CASQ2: variants seen among roughly 807,000 people sequenced by gnomAD.
CASQ2 encodes the protein calsequestrin 2.
In CASQ2, 49 loss-of-function variants were observed where a neutral mutation model predicts 46.5. That is an observed-to-expected ratio of 1.05 (90% confidence interval 0.84 to 1.34). The LOEUF (loss-of-function observed/expected upper bound fraction) is 1.34, where lower values mean the gene tolerates loss of function less well. Among genes scored for constraint, CASQ2 ranks in the 40% most tolerant of loss-of-function variants. The probability of loss-of-function intolerance (pLI) is 0.00; values close to 1 mark genes in which losing one functional copy is unlikely to be tolerated. For synonymous variants in CASQ2, 174 were observed against 168.5 expected, an observed-to-expected ratio of 1.03 and a Z score of -0.25; for missense variants, 486 against 481.3, an observed-to-expected ratio of 1.01 and a Z score of -0.09.
chr1:115,753,262 A>G, intron 1 of CASQ2, among the ~76,000 whole-genome samples: 1 of 152,178 alleles, frequency 6.6e-6, no homozygotes, highest in Non-Finnish European at 1.5e-5. Flanking sequence ...AGAAAGCCAC[A>G]GGGTCAAGGG....
Position 115,768,553 on chromosome 1 carries a change from T to G in CASQ2, c.-12A>C, listed in dbSNP as rs1649208283. The G allele has an allele frequency of 6.4e-7, 1 of 1,573,028 alleles. No homozygotes were observed. The highest frequency in any genetic ancestry group is 8.7e-7 in the Non-Finnish European group (1 of 1,143,084). ...TGAGTTCTCTTCATTTGGGAAAACTTTTGTTTCTCGTTCCCAAATATGCTG... is the reference window on the plus strand; with the variant it reads ...TGAGTTCTCTTCATTTGGGAAAACTGTTGTTTCTCGTTCCCAAATATGCTG... On this transcript the variant is annotated 5_prime_UTR_variant, in exon 1 of 11. Transcript: ENST00000261448.
intron 1 of CASQ2, among the ~76,000 whole-genome samples, chr1:115,761,140 T>G (rs972092187): frequency 2.0e-5 from 3 of 151,600 alleles, no homozygotes; most frequent in African/African-American, 7.3e-5. Flanking sequence ...TGCTCGGCTC[T>G]CAGTTTTCCC....
At chr1:115,724,844 G>C (rs12728943) in intron 7 of CASQ2, among the ~76,000 whole-genome samples, 14 of 152,202 alleles carry the variant, frequency 9.2e-5, no homozygotes, top group South Asian at 2.1e-4. Flanking sequence ...AAAGCTACTA[G>C]GTGGCAGATT....
intron 3 of CASQ2, among the ~76,000 whole-genome samples, chr1:115,739,316 C>A (rs961932737): frequency 1.3e-5 from 2 of 151,404 alleles, no homozygotes; most frequent in South Asian, 2.1e-4. Context: ...GGGGTTTCAC[C>A]GTATTAGCCA....
At chr1:115,739,097 G>T (rs1648074625) in intron 3 of CASQ2, among the ~76,000 whole-genome samples, 1 of 113,288 alleles carries the variant, frequency 8.8e-6, no homozygotes, top group Admixed American at 8.9e-5. Context: ...ATTCCCTTGT[G>T]TATGTATAGC....
chr1:115,711,397 C>T (rs2101062269), intron 8 of CASQ2, among the ~76,000 whole-genome samples: 2 of 152,284 alleles, frequency 1.3e-5, no homozygotes, highest in East Asian at 1.9e-4. Context: ...TAACCGCTCC[C>T]CTTTCATCTC....
intron 4 of CASQ2, among the ~76,000 whole-genome samples, 156 bp downstream of exon 4, chr1:115,738,068 C>T (rs982672199): frequency 2.6e-5 from 4 of 152,192 alleles, no homozygotes; most frequent in Admixed American, 2.0e-4. Context: ...AATTTTTGCA[C>T]ATGTACTCCA....
At chr1:115,729,005 T>C (rs1647689953) in intron 5 of CASQ2, among the ~76,000 whole-genome samples, 1 of 151,840 alleles carries the variant, frequency 6.6e-6, no homozygotes, top group African/African-American at 2.4e-5. Flanking sequence ...TGCTCTCATC[T>C]TGTATCTCAG....
At chr1:115,763,629 C>T (rs1397994664) in intron 1 of CASQ2, among the ~76,000 whole-genome samples, 2 of 152,184 alleles carry the variant, frequency 1.3e-5, no homozygotes, top group Non-Finnish European at 2.9e-5. Flanking sequence ...CTTCTGTGTG[C>T]CAGAGCTATG....
chr1:115,760,142 C>T (rs374543800), intron 1 of CASQ2, among the ~76,000 whole-genome samples: 3 of 152,114 alleles, frequency 2.0e-5, no homozygotes, highest in Non-Finnish European at 2.9e-5. Flanking sequence ...AACATCCCAG[C>T]GACTCTCCAA....
rs1648145585 is a variant in CASQ2 at position 115,740,710 on chromosome 1, C to G, written c.420+18G>C. Reference sequence around the variant, plus strand: ...GGAGAGGCAGCTCCATGCAGGGTCACTGTGTATAAATACTTACATCCAAGA... The same window carrying G: ...GGAGAGGCAGCTCCATGCAGGGTCAGTGTGTATAAATACTTACATCCAAGA... On this transcript the variant is annotated intron_variant, in intron 3 of 10. Coordinates refer to ENST00000261448, the MANE Select transcript of CASQ2 (RefSeq NM_001232.4). 1 of 1,480,852 alleles carries G rather than the reference C, an allele frequency of 6.8e-7. No homozygotes were observed. Among genetic ancestry groups the G allele is most frequent in the Admixed American group, 1.7e-5 (1 of 59,888 alleles). 91.7% of individuals were successfully genotyped at this position (1,480,852 alleles called of 1,614,324 possible).
chr1:115,705,693 C>G (rs759261644), intron 8 of CASQ2, among the ~76,000 whole-genome samples: 6 of 152,144 alleles, frequency 3.9e-5, no homozygotes, highest in Non-Finnish European at 7.4e-5. Flanking sequence ...CTCTAAGGAC[C>G]AAGAATGTCT....
chr1:115,756,140 T>C (rs1375820475), intron 1 of CASQ2, among the ~76,000 whole-genome samples: 1 of 152,184 alleles, frequency 6.6e-6, no homozygotes, highest in East Asian at 1.9e-4. Flanking sequence ...GACACCCAGC[T>C]CATGGCAGAT....
intron 1 of CASQ2, among the ~76,000 whole-genome samples, chr1:115,755,039 C>T (rs1648712246): frequency 2.0e-5 from 3 of 152,224 alleles, no homozygotes; most frequent in African/African-American, 7.2e-5. Context: ...GCTGAGGCTG[C>T]CAGTCTCGGG....
chr1:115,723,293 A>ATATCTATTTATCTATCTATCTATC (rs1553193961), intron 7 of CASQ2, among the ~76,000 whole-genome samples: 12 of 74,454 alleles, frequency 1.6e-4, no homozygotes, highest in African/African-American at 6.5e-4. Flanking sequence ...ATATCTCTCT[A>ATATCTATTTATCTATCTATCTATC]TATCTATCTA....
intron 1 of CASQ2, among the ~76,000 whole-genome samples, chr1:115,755,111 GT>G (rs1648714540): frequency 6.6e-6 from 1 of 152,212 alleles, no homozygotes; most frequent in Non-Finnish European, 1.5e-5. Flanking sequence ...CTTTTATTGC[GT>G]AGCATTTTGC....
At chr1:115,710,007 AT>A (rs35532778) in intron 8 of CASQ2, among the ~76,000 whole-genome samples, 2 of 151,866 alleles carry the variant, frequency 1.3e-5, no homozygotes, top group Non-Finnish European at 2.9e-5. Flanking sequence ...CATGCAGTTA[AT>A]TTTTTTATTA....
intron 2 of CASQ2, 81 bp from the exon 3 acceptor site, chr1:115,740,909 G>A (rs1163585796): frequency 1.1e-6 from 1 of 910,976 alleles, no homozygotes; most frequent in Non-Finnish European, 1.8e-6. Context: ...CTGGCTGAGG[G>A]TTTCTGGGTG....
At chr1:115,713,934 T>G (rs1421502054) in intron 8 of CASQ2, among the ~76,000 whole-genome samples, 1 of 152,192 alleles carries the variant, frequency 6.6e-6, no homozygotes, top group Non-Finnish European at 1.5e-5. Context: ...TCCGCTTTCT[T>G]GTCTTTCAAA....
Sources: gnomAD v4.1 joint callset for allele counts (sites outside exome capture counted in the v4.1 genomes callset) on GRCh38, gnomAD v4.1.1 for gene constraint, MANE v1.5 for transcripts, NCBI Gene and HGNC (gene_info 2026-07-23, HGNC 2026-07-21) for gene names.